UBE3C: variants seen among roughly 807,000 people sequenced by gnomAD.
UBE3C encodes ubiquitin protein ligase E3C.
A neutral mutation model predicts 129.4 loss-of-function variants in UBE3C; 42 were observed. That is an observed-to-expected ratio of 0.32 (90% confidence interval 0.25 to 0.42). UBE3C has a LOEUF of 0.42. Ranked by LOEUF, UBE3C falls within the 10% of genes least tolerant of loss-of-function variation. The probability of loss-of-function intolerance (pLI) is 1.00; values close to 1 mark genes in which losing one functional copy is unlikely to be tolerated. For missense variants in UBE3C, 1,049 were observed against 1,319.1 expected (o/e 0.80, Z 3.17); for synonymous variants, 510 against 492.4 (o/e 1.04, Z -0.47).
chr7:157,158,135 T>C (rs903814027), intron 1 of UBE3C, among the ~76,000 whole-genome samples: 1 of 146,536 alleles, frequency 6.8e-6, no homozygotes, highest in Middle Eastern at 3.2e-3. Context: ...TCCAGTGATC[T>C]CCTGCCTCAG....
Position 157,264,444 on chromosome 7 carries a change from C to T in UBE3C, c.3082-3141C>T, listed in dbSNP as rs370629644. On this transcript the variant is annotated intron_variant, in intron 22 of 22. Coordinates refer to ENST00000348165, the MANE Select transcript of UBE3C (RefSeq NM_014671.3). ...ACACACCTGGTACTACAGGTGTGAG[C>T]CAACATGCTCGGCCTGTTACACACA... Among the ~76,000 whole-genome samples the T allele has an allele frequency of 7.1e-5, 9 of 126,252 alleles. No homozygotes were observed. In the East Asian group the frequency reaches 1.0e-3, roughly 14 times the overall value. 82.8% of individuals were successfully genotyped at this position (126,252 alleles called of 152,430 possible). A position where few individuals can be genotyped will look rare whatever the true frequency, so the allele number is the denominator to read the frequency against.
chr7:157,190,399 C>T (rs1390216585), intron 10 of UBE3C, among the ~76,000 whole-genome samples: 1 of 152,104 alleles, frequency 6.6e-6, no homozygotes, highest in African/African-American at 2.4e-5. Flanking sequence ...ACTGCAGTGT[C>T]CTGCATGGTA....
intron 17 of UBE3C, among the ~76,000 whole-genome samples, chr7:157,227,285 A>T (rs963158537): frequency 2.6e-5 from 4 of 152,132 alleles, no homozygotes; most frequent in Non-Finnish European, 2.9e-5. Flanking sequence ...TTTGTGGGTG[A>T]GGGGAGCTCC....
chr7:157,234,279 GTTC>G (rs1303755578), intron 18 of UBE3C, among the ~76,000 whole-genome samples: 1 of 152,158 alleles, frequency 6.6e-6, no homozygotes, highest in Non-Finnish European at 1.5e-5. Context: ...ACACCTGTAT[GTTC>G]TTCTGACGGT....
chr7:157,213,700 T>C (rs1207420275), intron 13 of UBE3C, among the ~76,000 whole-genome samples: 1 of 152,142 alleles, frequency 6.6e-6, no homozygotes, highest in African/African-American at 2.4e-5. Flanking sequence ...AGGAGAAAAA[T>C]AGTTGATATG....
At chr7:157,226,735 A>G (rs1190275585) in intron 17 of UBE3C, among the ~76,000 whole-genome samples, 1 of 103,950 alleles carries the variant, frequency 9.6e-6, no homozygotes, top group South Asian at 2.9e-4. Flanking sequence ...TTTTTTTTTT[A>G]CACAATTTAC....
rs569573154 is a variant in UBE3C, at chr7:157,174,045, C to T, written c.343-874C>T. On this transcript the variant is annotated intron_variant, in intron 4 of 22. Transcript: ENST00000348165. ...TATAGGCAAAGACAAGGCTATGTGG[C>T]GTATTTATGACTAGCTACACTTAAG... 1.8e-4 allele frequency among the ~76,000 whole-genome samples: 28 copies of T among 152,202 alleles called. 1 individual carries two copies. In the South Asian group the frequency reaches 5.6e-3, roughly 31 times the overall value.
At chr7:157,238,047 CAAAAT>C (rs1456624745) in intron 18 of UBE3C, among the ~76,000 whole-genome samples, 2 of 151,556 alleles carry the variant, frequency 1.3e-5, no homozygotes, top group African/African-American at 2.4e-5. Context: ...GACCCTGTCT[CAAAAT>C]AATAATAAAA....
chr7:157,163,319 G>A (rs375186475), intron 1 of UBE3C, among the ~76,000 whole-genome samples: 201 of 149,804 alleles, frequency 1.3e-3, no homozygotes, highest in Non-Finnish European at 2.4e-3. Flanking sequence ...CCCGGGAGGC[G>A]GAGCTTGCAG....
intron 1 of UBE3C, among the ~76,000 whole-genome samples, chr7:157,149,948 A>G (rs73743208): frequency 6.6e-6 from 1 of 152,166 alleles, no homozygotes; most frequent in Non-Finnish European, 1.5e-5. Context: ...ATTTGTCAGC[A>G]TGAAGGAGAA....
At chr7:157,250,172 G>A (rs1796586570) in intron 19 of UBE3C, among the ~76,000 whole-genome samples, 1 of 152,146 alleles carries the variant, frequency 6.6e-6, no homozygotes, top group South Asian at 2.1e-4. Context: ...GGGGTTGGGA[G>A]CTCATACACT....
Position 157,220,673 on chromosome 7 carries a change from G to C in UBE3C, c.1915-16G>C, listed in dbSNP as rs541323425. 6.2e-6 allele frequency: 10 copies of C among 1,613,878 alleles called. No individual in the cohort carries two copies. The highest frequency in any genetic ancestry group is 8.5e-6 in the Non-Finnish European group (10 of 1,179,914). ...TAGAGCACAGGGGAGTTCTGAACCAGGATTGCCCCCGACAGGTCACTCAGC... is the reference window on the plus strand; with the variant it reads ...TAGAGCACAGGGGAGTTCTGAACCACGATTGCCCCCGACAGGTCACTCAGC... On this transcript the variant is annotated splice_polypyrimidine_tract_variant and intron_variant, in intron 14 of 22. Transcript: ENST00000348165.
chr7:157,208,508 G>A (rs1179126924), intron 13 of UBE3C, among the ~76,000 whole-genome samples: 1 of 152,010 alleles, frequency 6.6e-6, no homozygotes, highest in Admixed American at 6.6e-5. Context: ...CTTGTTACAT[G>A]CATCTTTTCT....
At chr7:157,143,087 G>A (rs549953184) in intron 1 of UBE3C, among the ~76,000 whole-genome samples, 6 of 151,864 alleles carry the variant, frequency 4.0e-5, no homozygotes, top group South Asian at 2.1e-4. Flanking sequence ...GGCGGGTCTC[G>A]AACTCCCGAC....
At chr7:157,197,146 C>A (rs1174032970) in intron 10 of UBE3C, among the ~76,000 whole-genome samples, 1 of 152,150 alleles carries the variant, frequency 6.6e-6, no homozygotes, top group Non-Finnish European at 1.5e-5. Context: ...CAAACAATTT[C>A]AAAATCAAAC....
chr7:157,267,572 T>C lies in UBE3C; in HGVS notation c.3082-13T>C. The C allele has an allele frequency of 6.2e-7, 1 of 1,612,914 alleles. No individual in the cohort carries two copies. The highest frequency in any genetic ancestry group is 1.3e-5 in the African/African-American group (1 of 74,964). ...TTGTTACAGTGACATCTTGCACACATGCTGTTTTTCAGGAGTTGTATCCCG... is the reference window on the plus strand; with the variant it reads ...TTGTTACAGTGACATCTTGCACACACGCTGTTTTTCAGGAGTTGTATCCCG... On this transcript the variant is annotated splice_polypyrimidine_tract_variant and intron_variant, in intron 22 of 22. Transcript: ENST00000348165.
intron 1 of UBE3C, among the ~76,000 whole-genome samples, chr7:157,161,468 T>A (rs1201605323): frequency 6.6e-6 from 1 of 151,648 alleles, no homozygotes; most frequent in East Asian, 1.9e-4. Context: ...TTTTTTTTTT[T>A]TGAGACAGGG....
At chr7:157,168,403 A>T (rs565403823) in intron 2 of UBE3C, among the ~76,000 whole-genome samples, 1 of 152,044 alleles carries the variant, frequency 6.6e-6, no homozygotes, top group Non-Finnish European at 1.5e-5. Flanking sequence ...TTTGGAAAAC[A>T]GTGTGGCAAT....
At chr7:157,191,861 T>C (rs1421433308) in intron 10 of UBE3C, among the ~76,000 whole-genome samples, 1 of 152,224 alleles carries the variant, frequency 6.6e-6, no homozygotes, top group East Asian at 1.9e-4. Context: ...ATATTGAGGA[T>C]GTGCCTGGAG....
Sources: gnomAD v4.1 joint callset for allele counts (sites outside exome capture counted in the v4.1 genomes callset) on GRCh38, gnomAD v4.1.1 for gene constraint, MANE v1.5 for transcripts, NCBI Gene and HGNC (gene_info 2026-07-23, HGNC 2026-07-21) for gene names.